Variants in MOV10L1 observed in about 807,000 individuals in gnomAD.
The protein encoded by MOV10L1 is RNA helicase Mov10l1.
Under a neutral mutation model 143.8 loss-of-function variants are expected in MOV10L1, and 110 were observed. The ratio of observed to expected loss-of-function variants is 0.76; its 90% confidence interval spans 0.66 to 0.90. The LOEUF (loss-of-function observed/expected upper bound fraction) is 0.90, where lower values mean the gene tolerates loss of function less well. Among genes scored for constraint, MOV10L1 ranks in the 40% least tolerant of loss-of-function variants. The pLI is 0.00. For synonymous variants in MOV10L1, 593 were observed against 581.1 expected, an observed-to-expected ratio of 1.02 and a Z score of -0.29; for missense variants, 1,406 against 1,526.8, an observed-to-expected ratio of 0.92 and a Z score of 1.32.
At chr22:50,139,352 A>G (rs2062918032) in intron 15 of MOV10L1, among the ~76,000 whole-genome samples, 1 of 152,032 alleles carries the variant, frequency 6.6e-6, no homozygotes, top group South Asian at 2.1e-4. Flanking sequence ...TGACACTAAG[A>G]GCATGACTTA....
At chr22:50,090,337 C>G in intron 1 of MOV10L1, 152 bp downstream of exon 1, 1 of 1,485,446 alleles carries the variant, frequency 6.7e-7, no homozygotes, top group Non-Finnish European at 9.0e-7. Flanking sequence ...GATCCCCGTT[C>G]GCCTCAGGAG....
At position 50,108,118 on chromosome 22, in the gene MOV10L1, T is replaced by C; in HGVS notation, c.443-18T>C. 6.2e-7 allele frequency: 1 copy of C among 1,611,288 alleles called. No homozygotes were observed. Among genetic ancestry groups the C allele is most frequent in the Middle Eastern group, 1.7e-4 (1 of 6,044 alleles). On this transcript the variant is annotated intron_variant, in intron 3 of 26. Coordinates refer to ENST00000262794, the MANE Select transcript of MOV10L1 (RefSeq NM_018995.3). ...GTGCACTTTAACACTACCATGGCTTTTTTCCTGGCGGTTTTAGGCTTCGAG... is the reference window on the plus strand; with the variant it reads ...GTGCACTTTAACACTACCATGGCTTCTTTCCTGGCGGTTTTAGGCTTCGAG...
chr22:50,092,222 G>A (rs738490), intron 2 of MOV10L1, 37 bp downstream of exon 2: 272,312 of 1,575,500 alleles, frequency 0.17, 25,021 homozygotes, highest in East Asian at 0.31. Context: ...GTTTTTCTTC[G>A]CCACGGGACT....
Position 50,153,105 on chromosome 22 carries a change from C to T in MOV10L1, c.2953C>T (p.Leu985=). 1 of 1,613,714 alleles carries T rather than the reference C, an allele frequency of 6.2e-7. No homozygotes were observed. Among genetic ancestry groups the T allele is most frequent in the South Asian group, 1.1e-5 (1 of 91,082 alleles). The change falls in exon 22 of 27, where the codon CTG becomes TTG. Residue 985 remains leucine, a synonymous_variant. Coordinates refer to ENST00000262794, the MANE Select transcript of MOV10L1 (RefSeq NM_018995.3). ...GGCCCTGCTGATGCTGCCCTCACGGCTGTTCTACCACAGGGAACTCGAGGT... is the reference window on the plus strand; with the variant it reads ...GGCCCTGCTGATGCTGCCCTCACGGTTGTTCTACCACAGGGAACTCGAGGT... The part of the protein sequence containing the change: ...HEALLMLPSR[L]FYHRELEVCA...
At chr22:50,091,516 C>T (rs2062442172) in intron 1 of MOV10L1, 1 of 154,388 alleles carries the variant, frequency 6.5e-6, no homozygotes, top group Non-Finnish European at 1.4e-5. Flanking sequence ...TAATGACTCC[C>T]AGATGCTGAT....
At chr22:50,090,748 C>G (rs1381601201) in intron 1 of MOV10L1, 1 of 519,996 alleles carries the variant, frequency 1.9e-6, no homozygotes, top group Non-Finnish European at 3.5e-6. Flanking sequence ...GCAATCTCGG[C>G]TCACCGCAAC....
intron 24 of MOV10L1, among the ~76,000 whole-genome samples, chr22:50,160,473 T>C: frequency 1.3e-5 from 2 of 151,880 alleles, no homozygotes. Context: ...CAAGATGGTC[T>C]CGATCTCCTG....
At chr22:50,121,550 G>T (rs139879926) in intron 10 of MOV10L1, among the ~76,000 whole-genome samples, 9 of 152,210 alleles carry the variant, frequency 5.9e-5, no homozygotes, top group African/African-American at 1.7e-4. Flanking sequence ...ATCCACTGCC[G>T]TGATAGAAAC....
chr22:50,114,011 C>A (rs189744234), intron 6 of MOV10L1, among the ~76,000 whole-genome samples: 2 of 151,032 alleles, frequency 1.3e-5, no homozygotes. Flanking sequence ...CTCCGCCTCC[C>A]GGGTTCACAC....
At chr22:50,147,109 C>A in intron 19 of MOV10L1, 1 of 1,578,372 alleles carries the variant, frequency 6.3e-7, no homozygotes, top group Middle Eastern at 1.7e-4. Flanking sequence ...GGGGGCAGAG[C>A]GGGCACTGCA....
intron 4 of MOV10L1, 150 bp downstream of exon 4, chr22:50,108,398 C>T: frequency 1.2e-6 from 1 of 827,498 alleles, no homozygotes; most frequent in Non-Finnish European, 2.0e-6. Flanking sequence ...TTCCTATTGA[C>T]AATGCTGTGT....
At chr22:50,109,670 CAAAAA>C (rs35087419) in intron 5 of MOV10L1, 122 of 107,230 alleles carry the variant, frequency 1.1e-3, no homozygotes, top group South Asian at 5.3e-3. Context: ...GACTCCTTCT[CAAAAA>C]AAAAAAAAAA....
In MOV10L1 at chr22:50,143,135, A is replaced by T. The variant is rs1420982450; in HGVS notation, c.2272A>T (p.Ser758Cys). The T allele has an allele frequency of 6.2e-7, 1 of 1,614,026 alleles. No homozygotes were observed. Among genetic ancestry groups the T allele is most frequent in the East Asian group, 2.2e-5 (1 of 44,904 alleles). The change falls in exon 17 of 27, where the codon AGT (serine) becomes TGT (cysteine). Residue 758 changes from serine (S) to cysteine (C), a missense_variant. Ser to Cys is a moderately radical substitution (Grantham distance 112). This residue lies in a region of MOV10L1 where 1,233 missense variants were observed against 1,351.4 expected (regional missense o/e 0.91). Transcript: ENST00000262794. ...GAAGTTAGCAGTTAAAAGGATTCTGAGTGGTGACTGCCGTCCCCTCCCGTA... is the reference window on the plus strand; with the variant it reads ...GAAGTTAGCAGTTAAAAGGATTCTGTGTGGTGACTGCCGTCCCCTCCCGTA... Reference protein sequence around the residue: ...NQKLAVKRILSGDCRPLPYIL... With the variant: ...NQKLAVKRILCGDCRPLPYIL...
intron 15 of MOV10L1, among the ~76,000 whole-genome samples, chr22:50,136,332 G>C (rs1255874064): frequency 6.6e-6 from 1 of 152,120 alleles, no homozygotes; most frequent in Non-Finnish European, 1.5e-5. Flanking sequence ...CTAATTGACT[G>C]TAGGTTTTAA....
intron 5 of MOV10L1, among the ~76,000 whole-genome samples, chr22:50,112,910 G>C (rs1343401297): frequency 2.0e-5 from 3 of 152,234 alleles, no homozygotes; most frequent in Admixed American, 6.5e-5. Context: ...AGGGCACACA[G>C]AGAAGGAAGA....
In MOV10L1 at chr22:50,120,543, C is replaced by T. The variant is rs2062309232; in HGVS notation, c.1496C>T (p.Pro499Leu). Residue 499 changes from proline (P) to leucine (L), a missense_variant, in exon 10 of 27, where the codon CCA becomes CTA. By Grantham distance (98) the Pro-to-Leu change is moderately conservative. This residue lies in a region of MOV10L1 where 1,233 missense variants were observed against 1,351.4 expected (regional missense o/e 0.91). Transcript: ENST00000262794. ...RQLPSFLPQY[P>L]IPDRLRKCVE... ...CTTCCAAGTTTTCTTCCCCAATATCCAATCCCAGATAGACTTAGAAAATGT... is the reference window on the plus strand; with the variant it reads ...CTTCCAAGTTTTCTTCCCCAATATCTAATCCCAGATAGACTTAGAAAATGT... 6.2e-7 allele frequency: 1 copy of T among 1,612,994 alleles called. No individual in the cohort carries two copies. The highest frequency in any genetic ancestry group is 8.5e-7 in the Non-Finnish European group (1 of 1,179,548).
chr22:50,125,324 C>T (rs956959263), intron 10 of MOV10L1, 68 bp from the exon 11 acceptor site: 5 of 1,497,132 alleles, frequency 3.3e-6, no homozygotes, highest in Non-Finnish European at 4.6e-6. Flanking sequence ...CTTTCCTGCT[C>T]CGGAGCTGCT....
intron 15 of MOV10L1, among the ~76,000 whole-genome samples, chr22:50,137,336 C>G (rs146324428): frequency 0.016 from 2,452 of 152,206 alleles, 30 homozygotes; most frequent in Middle Eastern, 0.027. Flanking sequence ...ACAATTTTAT[C>G]TTCTAGGAAT....
chr22:50,092,946 G>C (rs2062490923), intron 2 of MOV10L1: 1 of 152,062 alleles, frequency 6.6e-6, no homozygotes, highest in Admixed American at 6.5e-5. Flanking sequence ...TGTCGCCCAG[G>C]CTGGAGTGCA....
Sources: allele counts gnomAD v4.1 joint callset (sites outside exome capture counted in the v4.1 genomes callset), GRCh38; gene constraint gnomAD v4.1.1; regional missense constraint gnomAD v4.1.1; transcripts MANE v1.5; gene names NCBI Gene and HGNC (gene_info 2026-07-23, HGNC 2026-07-21).